Variants in STAG2 observed in about 807,000 individuals in gnomAD.
STAG2 encodes the protein cohesin subunit SA-2.
STAG2 carries 14 observed loss-of-function variants against 108.1 expected under a neutral mutation model. The ratio of observed to expected loss-of-function variants is 0.13; its 90% CI spans 0.09 to 0.20. The LOEUF is 0.20. Ranked by LOEUF, STAG2 falls within the 10% of genes least tolerant of loss-of-function variation. The probability of loss-of-function intolerance (pLI) is 1.00; values close to 1 mark genes in which losing one functional copy is unlikely to be tolerated. For synonymous variants in STAG2, 307 were observed against 302.7 expected (o/e 1.01, Z -0.15); for missense variants, 440 against 940.9 (o/e 0.47, Z 6.96).
chrX:124,092,417 C>T (rs763552734), intron 32 of STAG2, among the ~76,000 whole-genome samples: 6 of 111,501 alleles, frequency 5.4e-5, no homozygotes, highest in East Asian at 5.6e-4. Context: ...AAGTAGTCGC[C>T]GGTCCATATA....
At position 124,025,936 on chromosome X, in the gene STAG2, G is replaced by A. The variant is rs909135038; in HGVS notation, c.123+18G>A. The A allele has an allele frequency of 4.6e-6, 5 of 1,098,115 alleles. No homozygotes were observed. In the African/African-American group the frequency reaches 7.3e-5, roughly 16 times the overall value. 90.5% of individuals were successfully genotyped at this position (1,098,115 alleles called of 1,213,427 possible). A position where few individuals can be genotyped will look rare whatever the true frequency, so the allele number is the denominator to read the frequency against. ...AAGGCAAAGTATGTATCAAATATTT[G>A]ACTTTATTTTGTTTCCTAAGATCTC... On this transcript the variant is annotated intron_variant, in intron 4 of 34. Transcript: ENST00000371145.
chrX:124,085,104 A>G (rs995718347), intron 29 of STAG2, among the ~76,000 whole-genome samples: 2 of 112,347 alleles, frequency 1.8e-5, no homozygotes, highest in Non-Finnish European at 3.8e-5. Context: ...GGATCAATAG[A>G]TTGATATATA....
At chrX:124,096,042 C>T (rs762300334) in intron 34 of STAG2, among the ~76,000 whole-genome samples, 1 of 110,403 alleles carries the variant, frequency 9.1e-6, no homozygotes, top group East Asian at 2.9e-4. Flanking sequence ...GGGTCCTCCT[C>T]AGTTTTCACA....
chrX:124,042,521 A>C, intron 6 of STAG2, 48 bp from the exon 7 acceptor site: 1 of 966,449 alleles, frequency 1.0e-6, no homozygotes, highest in Non-Finnish European at 1.5e-6. Flanking sequence ...AGTTTTCTTT[A>C]TTTTTTTATC....
chrX:124,005,413 A>G (rs2147871676), intron 1 of STAG2, among the ~76,000 whole-genome samples: 1 of 111,631 alleles, frequency 9.0e-6, no homozygotes, highest in African/African-American at 3.3e-5. Context: ...CTGTCCCATC[A>G]TCACAGATAT....
At chrX:123,989,267 A>G (rs1183086193) in intron 1 of STAG2, among the ~76,000 whole-genome samples, 1 of 111,820 alleles carries the variant, frequency 8.9e-6, no homozygotes, top group Non-Finnish European at 1.9e-5. Flanking sequence ...TTTAGTACAA[A>G]AGGGGTATAA....
intron 1 of STAG2, among the ~76,000 whole-genome samples, chrX:123,989,414 T>TTA (rs2055339735): frequency 9.0e-6 from 1 of 110,933 alleles, no homozygotes; most frequent in South Asian, 3.7e-4. Flanking sequence ...TTTCACTTTA[T>TTA]TATAGTACCT....
chrX:123,985,751 T>A (rs1221819315), intron 1 of STAG2, among the ~76,000 whole-genome samples: 5 of 107,960 alleles, frequency 4.6e-5, no homozygotes, highest in African/African-American at 1.4e-4. Flanking sequence ...TTTTTTTTTT[T>A]ATTTTCGGTA....
chrX:124,038,470 G>A (rs1204686272), intron 6 of STAG2, among the ~76,000 whole-genome samples: 2 of 110,117 alleles, frequency 1.8e-5, no homozygotes, highest in Non-Finnish European at 3.8e-5. Flanking sequence ...ATTGGGAGAG[G>A]AAGTTGCTTA....
chrX:124,072,691 G>GTTGTTTGT (rs3072795), intron 25 of STAG2, among the ~76,000 whole-genome samples: 27 of 104,263 alleles, frequency 2.6e-4, no homozygotes, highest in South Asian at 9.2e-4. Context: ...TGTTGTTGTT[G>GTTGTTTGT]TTGTTTGTTT....
At chrX:124,026,038 T>A (rs774452405) in intron 4 of STAG2, 120 bp downstream of exon 4, 1 of 432,264 alleles carries the variant, frequency 2.3e-6, no homozygotes, top group African/African-American at 2.6e-5. Flanking sequence ...TGGGAGCTGA[T>A]TGGTATGGTA....
Position 123,966,160 on chromosome X carries a change from T to C in STAG2, c.-163+4304T>C, listed in dbSNP as rs749452159. ...GAGTAAGGAAGGAACTTTAAAGACA[T>C]AGGCTATTTTAAAAGTTTTTGGCTG... On this transcript the variant is annotated intron_variant, in intron 1 of 34. Transcript: ENST00000371145. Among the ~76,000 whole-genome samples, 159 of 110,677 alleles carry C rather than the reference T, an allele frequency of 1.4e-3. 2 individuals carry two copies. Among genetic ancestry groups the C allele is most frequent in the African/African-American group, 5.2e-3 (159 of 30,463 alleles).
At chrX:124,045,412 G>A (rs778720748) in intron 8 of STAG2, 44 bp downstream of exon 8, 1 of 1,028,523 alleles carries the variant, frequency 9.7e-7, no homozygotes, top group Non-Finnish European at 1.3e-6. Flanking sequence ...TTAGATTTGA[G>A]ATGAAAAAGA....
intron 1 of STAG2, among the ~76,000 whole-genome samples, chrX:124,009,205 TTTG>T (rs2056415599): frequency 9.0e-6 from 1 of 111,075 alleles, no homozygotes; most frequent in African/African-American, 3.3e-5. Context: ...CTTTAATGTA[TTTG>T]TTGTTGTTTA....
At chrX:124,095,915 T>G (rs984129130) in intron 34 of STAG2, among the ~76,000 whole-genome samples, 3 of 109,338 alleles carry the variant, frequency 2.7e-5, no homozygotes, top group African/African-American at 1.0e-4. Flanking sequence ...AGGATGAGAG[T>G]CAGTTACCAC....
intron 1 of STAG2, among the ~76,000 whole-genome samples, chrX:123,989,234 A>G (rs2055331914): frequency 9.6e-6 from 1 of 104,158 alleles, no homozygotes; most frequent in South Asian, 5.1e-4. Flanking sequence ...TGTAAAAATA[A>G]TGATCCCTGC....
chrX:124,083,958 A>T (rs1415808728), intron 29 of STAG2, among the ~76,000 whole-genome samples: 1 of 111,373 alleles, frequency 9.0e-6, no homozygotes, highest in Non-Finnish European at 1.9e-5. Flanking sequence ...GCCTTAACCC[A>T]ACTAAGGAGG....
intron 6 of STAG2, among the ~76,000 whole-genome samples, chrX:124,039,471 A>G (rs560018132): frequency 9.1e-6 from 1 of 109,692 alleles, no homozygotes; most frequent in South Asian, 3.9e-4. Context: ...TCGTAGAGAC[A>G]GATCTGGCTG....
chrX:123,991,099 T>TG (rs1436939582), intron 1 of STAG2, among the ~76,000 whole-genome samples: 2 of 111,933 alleles, frequency 1.8e-5, no homozygotes, highest in Admixed American at 9.5e-5. Flanking sequence ...TTAAATTCAC[T>TG]GGGGGGAGAG....
Sources: gnomAD v4.1 joint callset for allele counts (sites outside exome capture counted in the v4.1 genomes callset) on GRCh38, gnomAD v4.1.1 for gene constraint, MANE v1.5 for transcripts, NCBI Gene and HGNC (gene_info 2026-07-23, HGNC 2026-07-21) for gene names.